Variants in HEATR6 observed in about 807,000 individuals in gnomAD.
HEATR6 encodes HEAT repeat containing 6.
HEATR6 carries 106 observed loss-of-function variants against 132.8 expected under a neutral mutation model. The ratio of observed to expected loss-of-function variants is 0.80; its 90% CI spans 0.68 to 0.94. The LOEUF (loss-of-function observed/expected upper bound fraction) is 0.94. Ranked by LOEUF, HEATR6 falls within the 40% of genes least tolerant of loss-of-function variation. The pLI, the probability that HEATR6 is intolerant of heterozygous loss-of-function variation, is 0.00. For missense variants in HEATR6, 1,339 were observed against 1,425.1 expected (o/e 0.94, Z 0.97); for synonymous variants, 529 against 537.8 (o/e 0.98, Z 0.23).
intron 1 of HEATR6, 130 bp downstream of exon 1, chr17:60,078,566 G>A: frequency 1.4e-6 from 1 of 714,900 alleles, no homozygotes; most frequent in Non-Finnish European, 2.3e-6. Flanking sequence ...AGGTTGGAGG[G>A]GGCACGCCAT....
Position 60,060,030 on chromosome 17 carries a change from C to A in HEATR6, c.1483G>T (p.Ala495Ser). Residue 495 changes from alanine (A) to serine (S), a missense_variant, in exon 10 of 20, where the codon GCT becomes TCT. Physicochemically the swap from Ala to Ser is moderately conservative, Grantham distance 99. Transcript: ENST00000184956. The part of the protein sequence containing the change: ...LEGSKQFLSV[A>S]EDTSDHRRAF... Reference sequence around the variant, plus strand: ...CTTCTGTGGTCACTGGTATCTTCAGCAACAGAAAGAAACTGCTTTGAGCCT... The same window carrying A: ...CTTCTGTGGTCACTGGTATCTTCAGAAACAGAAAGAAACTGCTTTGAGCCT... The A allele has an allele frequency of 6.2e-7, 1 of 1,613,984 alleles. No individual in the cohort carries two copies. Among genetic ancestry groups the A allele is most frequent in the Non-Finnish European group, 8.5e-7 (1 of 1,179,910 alleles).
Position 60,070,798 on chromosome 17 carries a change from T to G in HEATR6, c.709A>C (p.Asn237His). 1 of 1,579,926 alleles carries G rather than the reference T, an allele frequency of 6.3e-7. No individual in the cohort carries two copies. Among genetic ancestry groups the G allele is most frequent in the Non-Finnish European group, 8.7e-7 (1 of 1,149,164 alleles). ...DDITFCMLLQ[N>H]ALKGIQSLLN... The stretch of plus-strand genomic sequence containing the variant: ...AGTGACTGTATACCTTTTAATGCAT[T>G]TTGCAATAACTAGGGGGAAAAGGGA... The change falls in exon 6 of 20, where the codon AAT (asparagine) becomes CAT (histidine). Residue 237 changes from asparagine to histidine, a missense_variant. By Grantham distance (68) the Asn-to-His change is moderately conservative. Coordinates refer to ENST00000184956, the MANE Select transcript of HEATR6 (RefSeq NM_022070.5).
chr17:60,067,694 G>T lies in HEATR6; in HGVS notation c.978C>A (p.Ile326=). The T allele has an allele frequency of 6.2e-7, 1 of 1,612,906 alleles. No homozygotes were observed. The highest frequency in any genetic ancestry group is 8.5e-7 in the Non-Finnish European group (1 of 1,179,570). The change falls in exon 8 of 20, where the codon ATC becomes ATA. Residue 326 remains isoleucine (I), a synonymous_variant. Transcript: ENST00000184956. ...KKKSKVKPKK[I]QQGEEEEKES... ...CCTTTTCCTCCTCCTCTCCTTGCTG[G>T]ATTTTCTTTGGTTTTACTTTGGATT...
chr17:60,070,821 G>A lies in HEATR6; in HGVS notation c.700-14C>T. On this transcript the variant is annotated splice_polypyrimidine_tract_variant and intron_variant, in intron 5 of 19. Coordinates refer to ENST00000184956, the MANE Select transcript of HEATR6 (RefSeq NM_022070.5). ...ATTTTGCAATAACTAGGGGGAAAAG[G>A]GAGACCCAGTTAGAAGGCAGAATAA... 2 of 1,371,352 alleles carry A rather than the reference G, an allele frequency of 1.5e-6. No individual in the cohort carries two copies. The highest frequency in any genetic ancestry group is 2.1e-6 in the Non-Finnish European group (2 of 958,810). 84.9% of individuals were successfully genotyped at this position (1,371,352 alleles called of 1,614,324 possible). A position where few individuals can be genotyped will look rare whatever the true frequency, so the allele number is the denominator to read the frequency against.
At chr17:60,077,521 T>C (rs183037947) in intron 1 of HEATR6, among the ~76,000 whole-genome samples, 1 of 152,376 alleles carries the variant, frequency 6.6e-6, no homozygotes. Context: ...TATTATTCTG[T>C]AGTCAATTCT....
chr17:60,057,257 G>A lies in HEATR6; in HGVS notation c.1870C>T (p.Pro624Ser). 1 of 1,614,204 alleles carries A rather than the reference G, an allele frequency of 6.2e-7. No individual in the cohort carries two copies. Among genetic ancestry groups the A allele is most frequent in the Non-Finnish European group, 8.5e-7 (1 of 1,180,036 alleles). Residue 624 changes from proline to serine, a missense_variant, in exon 12 of 20, where the codon CCT (proline) becomes TCT (serine). Coordinates refer to ENST00000184956, the MANE Select transcript of HEATR6 (RefSeq NM_022070.5). ...SNSATPHLSP[P>S]DWWKKAPAGP... ...GCAGGGGCTTTCTTCCACCAATCAG[G>A]AGGGCTGAGGTGAGGGGTTGCTGAA...
Position 60,076,222 on chromosome 17 carries a change from GA to G in HEATR6, c.234del (p.Val80SerfsTer18), listed in dbSNP as rs1268798933. ...GGTACCAGTCGGCAAGCCTGGACAA[GA>G]AGAGCACTAACGTCCTACCAAAAAA... ...SGVAPEDVSA[L>X]LVQACRLVPL... On this transcript the variant is annotated frameshift_variant, in exon 2 of 20. Coordinates refer to ENST00000184956, the MANE Select transcript of HEATR6 (RefSeq NM_022070.5). LOFTEE classifies it high-confidence loss of function. The G allele has an allele frequency of 6.2e-7, 1 of 1,602,448 alleles. No individual in the cohort carries two copies. The highest frequency in any genetic ancestry group is 2.2e-5 in the East Asian group (1 of 44,784).
chr17:60,052,608 T>A (rs1283772716), intron 14 of HEATR6, among the ~76,000 whole-genome samples: 1 of 152,164 alleles, frequency 6.6e-6, no homozygotes, highest in East Asian at 1.9e-4. Context: ...GGGACTAGGG[T>A]TAGAATCTTT....
At position 60,043,916 on chromosome 17, in the gene HEATR6, A is replaced by T; in HGVS notation, c.3193T>A (p.Cys1065Ser). ...DTIDFLEFKY[C>S]VSLRTQICQA... ...CAGATTTGGGTCCGTAGGCTGACAC[A>T]GTACTTGAATTCCAAAAAGTCTATG... is the stretch of plus-strand genomic sequence containing the variant. The change falls in exon 20 of 20, where the codon TGT becomes AGT. Residue 1065 changes from cysteine to serine, a missense_variant. By Grantham distance (112) the Cys-to-Ser change is moderately radical. Transcript: ENST00000184956. 1.2e-6 allele frequency: 2 copies of T among 1,614,140 alleles called. No individual in the cohort carries two copies. Among genetic ancestry groups the T allele is most frequent in the South Asian group, 2.2e-5 (2 of 91,076 alleles).
rs537912966 is a variant in HEATR6, at chr17:60,061,066, C to T, written c.1417-970G>A. Among the ~76,000 whole-genome samples, 12 of 152,228 alleles carry T rather than the reference C, an allele frequency of 7.9e-5. No homozygotes were observed. The South Asian group carries it at 8.3e-4, about 11-fold the overall frequency. On this transcript the variant is annotated intron_variant, in intron 9 of 19. Transcript: ENST00000184956. Reference sequence around the variant, plus strand: ...GGTAATAAGCATAGGACTATTAATACGGAATAATATTGTACTCTCTTAGGC... The same window carrying T: ...GGTAATAAGCATAGGACTATTAATATGGAATAATATTGTACTCTCTTAGGC...
chr17:60,053,430 G>A (rs1041996273), intron 14 of HEATR6, among the ~76,000 whole-genome samples: 4 of 152,196 alleles, frequency 2.6e-5, no homozygotes, highest in African/African-American at 9.7e-5. Flanking sequence ...TTGGTACCAA[G>A]GAATGGGGTG....
chr17:60,048,972 CATATATATATAATATATATATATAT>C (rs1378983122), intron 16 of HEATR6, among the ~76,000 whole-genome samples: 56 of 59,524 alleles, frequency 9.4e-4, no homozygotes, highest in African/African-American at 6.9e-3. Flanking sequence ...AAATAAATAA[CATATATATATAATATATATATATAT>C]ATATATATAT....
intron 2 of HEATR6, chr17:60,075,469 C>A (rs1050434024): frequency 6.6e-6 from 1 of 152,116 alleles, no homozygotes; most frequent in African/African-American, 2.4e-5. Flanking sequence ...TAAATATATT[C>A]ACATACTCAT....
intron 15 of HEATR6, 51 bp from the exon 16 acceptor site, chr17:60,049,753 C>A: frequency 6.3e-7 from 1 of 1,584,462 alleles, no homozygotes; most frequent in Non-Finnish European, 8.6e-7. Context: ...TAACTACAAG[C>A]CAAAGGCTTC....
At chr17:60,048,167 GGAACT>G (rs1356151406) in intron 17 of HEATR6, 92 bp downstream of exon 17, 1 of 1,286,806 alleles carries the variant, frequency 7.8e-7, no homozygotes, top group Non-Finnish European at 1.1e-6. Context: ...ATAATATGCG[GGAACT>G]ACTGCTGATT....
At chr17:60,066,983 C>T in intron 8 of HEATR6, among the ~76,000 whole-genome samples, 1 of 152,284 alleles carries the variant, frequency 6.6e-6, no homozygotes, top group East Asian at 1.9e-4. Flanking sequence ...ATCAAGAGAA[C>T]AAGTCGGCCG....
At chr17:60,051,024 G>A in intron 14 of HEATR6, 47 bp from the exon 15 acceptor site, 1 of 1,603,480 alleles carries the variant, frequency 6.2e-7, no homozygotes. Context: ...CATAACAGGG[G>A]AACCAACTTG....
At position 60,056,183 on chromosome 17, in the gene HEATR6, CCAT is replaced by C; in HGVS notation, c.2131_2133del (p.Met711del). ...CACTTGCAAATCACCTCTCCAAGCTCCATCAAGTAGGCTTGAGTCATTGAAAAG... is the reference window on the plus strand; with the variant it reads ...CACTTGCAAATCACCTCTCCAAGCTCCAAGTAGGCTTGAGTCATTGAAAAG... On this transcript the variant is annotated inframe_deletion, in exon 13 of 20. Coordinates refer to ENST00000184956, the MANE Select transcript of HEATR6 (RefSeq NM_022070.5). 1 of 1,614,052 alleles carries C rather than the reference CCAT, an allele frequency of 6.2e-7. No homozygotes were observed. The highest frequency in any genetic ancestry group is 8.5e-7 in the Non-Finnish European group (1 of 1,179,912).
chr17:60,073,707 C>T (rs375089984), intron 3 of HEATR6, 39 bp downstream of exon 3: 101 of 1,599,542 alleles, frequency 6.3e-5, no homozygotes, highest in Non-Finnish European at 8.2e-5. Flanking sequence ...AGTCTGTGCT[C>T]CTGGCCTTTC....
Sources: allele counts gnomAD v4.1 joint callset (sites outside exome capture counted in the v4.1 genomes callset), GRCh38; gene constraint gnomAD v4.1.1; transcripts MANE v1.5; gene names NCBI Gene and HGNC (gene_info 2026-07-23, HGNC 2026-07-21).